The following HECW1 variants were observed in gnomAD, a reference collection of about 807,000 sequenced individuals.
The protein encoded by HECW1 is HECT, C2 and WW domain containing E3 ubiquitin protein ligase 1.
In HECW1, 61 loss-of-function variants were observed where a neutral mutation model predicts 182.3. That is an observed-to-expected ratio of 0.33 (90% CI 0.27 to 0.41). HECW1 has a LOEUF of 0.41. Ranked by LOEUF, HECW1 falls within the 10% of genes least tolerant of loss-of-function variation. HECW1 has a pLI of 1.00. For synonymous variants in HECW1, 859 were observed against 832.6 expected, an observed-to-expected ratio of 1.03 and a Z score of -0.55; for missense variants, 1,739 against 2,108.9, an observed-to-expected ratio of 0.82 and a Z score of 3.44.
At chr7:43,115,315 T>G (rs983445396) in intron 2 of HECW1, among the ~76,000 whole-genome samples, 1 of 150,098 alleles carries the variant, frequency 6.7e-6, no homozygotes, top group Non-Finnish European at 1.5e-5. Flanking sequence ...TTTTTTTTTT[T>G]GTCCACTATA....
intron 2 of HECW1, among the ~76,000 whole-genome samples, chr7:43,155,628 T>C (rs1789801119): frequency 6.6e-6 from 1 of 152,240 alleles, no homozygotes; most frequent in Non-Finnish European, 1.5e-5. Flanking sequence ...AACAGGCTAT[T>C]TGATAAATTT....
chr7:43,323,526 C>T (rs1450420692), intron 5 of HECW1, among the ~76,000 whole-genome samples: 2 of 152,142 alleles, frequency 1.3e-5, no homozygotes, highest in African/African-American at 2.4e-5. Context: ...GTTGAGGCTG[C>T]AGTGAGCTAT....
intron 2 of HECW1, among the ~76,000 whole-genome samples, chr7:43,157,530 G>A (rs1188889103): frequency 6.6e-6 from 1 of 152,098 alleles, no homozygotes; most frequent in Non-Finnish European, 1.5e-5. Flanking sequence ...CTGTCACAGG[G>A]TTTACATTTA....
chr7:43,261,868 TA>T (rs1801212884), intron 3 of HECW1, among the ~76,000 whole-genome samples: 2 of 152,236 alleles, frequency 1.3e-5, no homozygotes, highest in East Asian at 1.9e-4. Flanking sequence ...TTTTATTTTT[TA>T]TTTTTTTTAA....
chr7:43,553,126 C>T (rs374813423), intron 28 of HECW1, among the ~76,000 whole-genome samples: 9 of 152,218 alleles, frequency 5.9e-5, no homozygotes, highest in African/African-American at 2.2e-4. Context: ...TAAATACTCA[C>T]CTTGCACACT....
chr7:43,159,678 CTT>C (rs36117153), intron 2 of HECW1, among the ~76,000 whole-genome samples: 9,836 of 123,334 alleles, frequency 0.08, 316 homozygotes, highest in African/African-American at 0.15. Flanking sequence ...TTCCTTGTAT[CTT>C]TTTTTTTTTT....
chr7:43,442,890 A>G (rs573290739), intron 10 of HECW1, among the ~76,000 whole-genome samples: 1 of 152,328 alleles, frequency 6.6e-6, no homozygotes, highest in East Asian at 1.9e-4. Context: ...GCCAACATGG[A>G]TAGGGAGTTC....
At chr7:43,461,132 T>C (rs2077568436) in intron 13 of HECW1, among the ~76,000 whole-genome samples, 1 of 152,232 alleles carries the variant, frequency 6.6e-6, no homozygotes, top group African/African-American at 2.4e-5. Flanking sequence ...CTTACCGTTA[T>C]TTCTCATGGT....
chr7:43,142,660 T>C (rs879575477), intron 2 of HECW1, among the ~76,000 whole-genome samples: 6 of 152,194 alleles, frequency 3.9e-5, no homozygotes, highest in Non-Finnish European at 8.8e-5. Context: ...GTAAATCCTA[T>C]GTGGCTTCTA....
chr7:43,484,852 C>T (rs1201238316), intron 17 of HECW1, among the ~76,000 whole-genome samples: 1 of 152,194 alleles, frequency 6.6e-6, no homozygotes, highest in Non-Finnish European at 1.5e-5. Flanking sequence ...ACCAGCAAAG[C>T]AGGCCTTATC....
At chr7:43,424,005 C>A (rs1292130878) in intron 8 of HECW1, among the ~76,000 whole-genome samples, 1 of 152,090 alleles carries the variant, frequency 6.6e-6, no homozygotes, top group Non-Finnish European at 1.5e-5. Flanking sequence ...TGAGGAAATA[C>A]AAGAATCAGG....
intron 3 of HECW1, among the ~76,000 whole-genome samples, chr7:43,264,618 G>A (rs562597405): frequency 1.3e-5 from 2 of 152,140 alleles, no homozygotes; most frequent in South Asian, 4.2e-4. Context: ...GGCCAAGGCG[G>A]GCAGATCACA....
At chr7:43,491,412 A>T (rs947737854) in intron 17 of HECW1, among the ~76,000 whole-genome samples, 1 of 152,224 alleles carries the variant, frequency 6.6e-6, no homozygotes, top group African/African-American at 2.4e-5. Context: ...GAATGAATGT[A>T]ATCAATACTA....
rs1345434500 is a variant in HECW1 at position 43,308,236 on chromosome 7, A to ATATTTTT, written c.28-3527_28-3526insTATTTTT. On this transcript the variant is annotated intron_variant, in intron 3 of 29. Coordinates refer to ENST00000395891, the MANE Select transcript of HECW1 (RefSeq NM_015052.5). ...ATATTATGATATATTTTTATATAAT[A>ATATTTTT]ATATATAATATATATATATTATATG... Among the ~76,000 whole-genome samples, 26 of 65,094 alleles carry ATATTTTT rather than the reference A, an allele frequency of 4.0e-4. 1 individual carries two copies. Among genetic ancestry groups the ATATTTTT allele is most frequent in the African/African-American group, 2.8e-3 (22 of 7,752 alleles). 42.7% of individuals were successfully genotyped at this position (65,094 alleles called of 152,430 possible).
intron 3 of HECW1, among the ~76,000 whole-genome samples, chr7:43,254,274 A>G (rs1341417167): frequency 1.3e-5 from 2 of 152,242 alleles, no homozygotes; most frequent in Non-Finnish European, 2.9e-5. Context: ...TGGAGAATCA[A>G]TGACCACTGA....
At chr7:43,205,065 G>A (rs1795337781) in intron 2 of HECW1, among the ~76,000 whole-genome samples, 2 of 152,066 alleles carry the variant, frequency 1.3e-5, no homozygotes, top group Admixed American at 1.3e-4. Context: ...CCTATCATCA[G>A]ATGTTGTCTG....
chr7:43,541,251 C>G lies in HECW1; in HGVS notation c.4108C>G (p.Leu1370Val). 8 of 1,613,256 alleles carry G rather than the reference C, an allele frequency of 5.0e-6. No individual in the cohort carries two copies. The highest frequency in any genetic ancestry group is 6.8e-6 in the Non-Finnish European group (8 of 1,179,194). ...CTTCACGAGGCCCTTCTACAAGGCA[C>G]TCCTGAGACTGTAAGTGCTTTGCAG... ...AFFTRPFYKALLRLPCDLSDL... is the reference protein window; with the variant it reads ...AFFTRPFYKAVLRLPCDLSDL... Residue 1370 changes from leucine to valine, a missense_variant, in exon 25 of 30, where the codon CTC becomes GTC. Around this residue, in one of 5 missense-constraint regions of HECW1, gnomAD observed 420 missense variants for 595.7 expected, o/e 0.71. Coordinates refer to ENST00000395891, the MANE Select transcript of HECW1 (RefSeq NM_015052.5).
rs1246576662 is a variant in HECW1 at position 43,541,147 on chromosome 7, C to T, written c.4020-16C>T. Reference sequence around the variant, plus strand: ...AATTTCCACTTACCGATTTCTCTGCCTTGTCTGTGTTCCAGGTTCAGGTTT... The same window carrying T: ...AATTTCCACTTACCGATTTCTCTGCTTTGTCTGTGTTCCAGGTTCAGGTTT... On this transcript the variant is annotated splice_polypyrimidine_tract_variant and intron_variant, in intron 24 of 29. Transcript: ENST00000395891. The T allele has an allele frequency of 6.3e-7, 1 of 1,599,862 alleles. No individual in the cohort carries two copies. Among genetic ancestry groups the T allele is most frequent in the South Asian group, 1.1e-5 (1 of 90,748 alleles).
At chr7:43,512,039 C>T (rs947499119) in intron 24 of HECW1, 7 of 216,084 alleles carry the variant, frequency 3.2e-5, no homozygotes, top group East Asian at 1.4e-4. Context: ...CTGCCCACAG[C>T]GTGGGCGTAG....
Sources: allele counts gnomAD v4.1 joint callset (sites outside exome capture counted in the v4.1 genomes callset), GRCh38; gene constraint gnomAD v4.1.1; regional missense constraint gnomAD v4.1.1; transcripts MANE v1.5; gene names NCBI Gene and HGNC (gene_info 2026-07-23, HGNC 2026-07-21).